The following SAXO1 variants were observed in gnomAD, a reference collection of about 807,000 sequenced individuals.
SAXO1 encodes 4930500O09Rik.
SAXO1 carries 21 observed loss-of-function variants against 17.5 expected under a neutral mutation model. That is an observed-to-expected ratio of 1.20 (90% confidence interval 0.85 to 1.72). The LOEUF is 1.72. Among genes scored for constraint, SAXO1 ranks in the 40% most tolerant of loss-of-function variants. The pLI, the probability that SAXO1 is intolerant of heterozygous loss-of-function variation, is 0.00. For missense variants in SAXO1, 843 were observed against 596.0 expected (o/e 1.41, Z -4.32); for synonymous variants, 274 against 216.5 (o/e 1.27, Z -2.33).
intron 1 of SAXO1, among the ~76,000 whole-genome samples, chr9:19,039,889 C>G (rs1201294559): frequency 6.6e-6 from 1 of 151,610 alleles, no homozygotes; most frequent in African/African-American, 2.4e-5. Flanking sequence ...CCACCACACC[C>G]AGCTAATTTT....
chr9:19,038,163 T>C (rs979860395), upstream of SAXO1, among the ~76,000 whole-genome samples: 26 of 152,366 alleles, frequency 1.7e-4, no homozygotes, highest in African/African-American at 6.0e-4. Flanking sequence ...TTGGTGGGAC[T>C]GTAAACTAGT....
intron 1 of SAXO1, among the ~76,000 whole-genome samples, chr9:18,985,692 C>T (rs547617318): frequency 4.1e-4 from 63 of 152,270 alleles, no homozygotes; most frequent in African/African-American, 1.5e-3. Flanking sequence ...GCCACCACTC[C>T]GACTCCCCTG....
intron 3 of SAXO1, among the ~76,000 whole-genome samples, chr9:18,938,324 G>T (rs988302476): frequency 6.6e-6 from 1 of 152,178 alleles, no homozygotes; most frequent in Non-Finnish European, 1.5e-5. Context: ...ATTGGCTCAT[G>T]GTTCTGCAGG....
At chr9:18,963,016 T>A (rs566333572) in intron 1 of SAXO1, among the ~76,000 whole-genome samples, 1 of 152,344 alleles carries the variant, frequency 6.6e-6, no homozygotes, top group African/African-American at 2.4e-5. Context: ...TTTCTGCATA[T>A]GGCTAGCCAG....
At chr9:18,998,939 A>G (rs975168024) in intron 1 of SAXO1, among the ~76,000 whole-genome samples, 4 of 152,236 alleles carry the variant, frequency 2.6e-5, no homozygotes, top group African/African-American at 9.6e-5. Context: ...CTGCCTTACA[A>G]GAGCTCCTGA....
chr9:18,982,785 C>A (rs148801752), intron 1 of SAXO1, among the ~76,000 whole-genome samples: 1 of 152,298 alleles, frequency 6.6e-6, no homozygotes, highest in Admixed American at 6.5e-5. Context: ...TCTTGGAAAT[C>A]TTACCTTAAT....
At chr9:19,018,111 T>C (rs1835066362) in intron 1 of SAXO1, among the ~76,000 whole-genome samples, 1 of 151,182 alleles carries the variant, frequency 6.6e-6, no homozygotes, top group Non-Finnish European at 1.5e-5. Context: ...GAGGTTGCTG[T>C]GAGTCATGAC....
chr9:18,944,307 A>C (rs541615311), intron 2 of SAXO1, among the ~76,000 whole-genome samples: 3 of 152,248 alleles, frequency 2.0e-5, no homozygotes, highest in African/African-American at 7.2e-5. Flanking sequence ...GAGTGAATTT[A>C]ATCAGAATTT....
chr9:18,928,371 T>C lies in SAXO1; in HGVS notation c.1106A>G (p.Asp369Gly). ...PQLDLPTEPL[D>G]CLTTTRAHYV... ...GTGGGCCCGAGTGGTGGTCAGGCAG[T>C]CCAGGGGCTCGGTGGGCAAGTCCAG... Residue 369 changes from aspartate to glycine, a missense_variant, in exon 4 of 4, where the codon GAC (aspartate) becomes GGC (glycine). By Grantham distance (94) the Asp-to-Gly change is moderately conservative (BLOSUM62 -1). Coordinates refer to ENST00000380534, the MANE Select transcript of SAXO1 (RefSeq NM_153707.4). The C allele has an allele frequency of 6.2e-7, 1 of 1,612,628 alleles. No homozygotes were observed. The highest frequency in any genetic ancestry group is 1.1e-5 in the South Asian group (1 of 90,878).
chr9:18,935,921 G>C (rs1445770932), intron 3 of SAXO1, among the ~76,000 whole-genome samples: 1 of 152,198 alleles, frequency 6.6e-6, no homozygotes, highest in Non-Finnish European at 1.5e-5. Flanking sequence ...AAATGAAACA[G>C]CAGGGGTGGG....
At chr9:18,973,438 G>T (rs1833025048) in intron 1 of SAXO1, among the ~76,000 whole-genome samples, 1 of 152,186 alleles carries the variant, frequency 6.6e-6, no homozygotes, top group South Asian at 2.1e-4. Context: ...AAACACATAG[G>T]TAGATAGGAA....
intron 1 of SAXO1, among the ~76,000 whole-genome samples, chr9:18,990,419 T>C (rs1042799830): frequency 6.6e-5 from 10 of 152,142 alleles, no homozygotes; most frequent in Admixed American, 1.3e-4. Context: ...TAGAACTAAA[T>C]TCCTAGCAGG....
chr9:18,928,343 A>C lies in SAXO1; in HGVS notation c.1134T>G (p.Tyr378Ter). 6.2e-7 allele frequency: 1 copy of C among 1,613,454 alleles called. No individual in the cohort carries two copies. Among genetic ancestry groups the C allele is most frequent in the Non-Finnish European group, 8.5e-7 (1 of 1,179,744 alleles). ...TGGTATTGATAGGCAGGTGGGGCAC[A>C]TAGTGGGCCCGAGTGGTGGTCAGGC... The part of the protein sequence containing the change: ...LDCLTTTRAH[Y>*]VPHLPINTKS... Residue 378 changes from tyrosine to a stop codon, truncating the protein, a stop_gained, in exon 4 of 4, where the codon TAT (tyrosine) becomes TAG (stop). Transcript: ENST00000380534. LOFTEE classifies it low-confidence loss of function (END_TRUNC).
chr9:19,004,557 T>A (rs1834413082), intron 1 of SAXO1, among the ~76,000 whole-genome samples: 1 of 151,434 alleles, frequency 6.6e-6, no homozygotes, highest in African/African-American at 2.4e-5. Context: ...TGACTTCATG[T>A]CTTTTTCATG....
intron 1 of SAXO1, among the ~76,000 whole-genome samples, chr9:18,961,067 C>A (rs1563945528): frequency 2.0e-5 from 3 of 151,032 alleles, no homozygotes; most frequent in African/African-American, 7.3e-5. Context: ...AAGTTTCTTG[C>A]AAAAGAAAAA....
At chr9:18,997,591 A>G (rs1252027597) in intron 1 of SAXO1, among the ~76,000 whole-genome samples, 1 of 152,266 alleles carries the variant, frequency 6.6e-6, no homozygotes, top group Non-Finnish European at 1.5e-5. Context: ...TCCCTGCCAG[A>G]TAGTTCTGAA....
At chr9:18,936,147 A>G (rs1189224901) in intron 3 of SAXO1, among the ~76,000 whole-genome samples, 1 of 152,172 alleles carries the variant, frequency 6.6e-6, no homozygotes, top group Non-Finnish European at 1.5e-5. Flanking sequence ...CCTCATCTCC[A>G]GAAGTCCTGA....
In SAXO1 at chr9:18,964,722, A is replaced by AT. The variant is rs1483017602; in HGVS notation, c.39-13786dup. Among the ~76,000 whole-genome samples, 6 of 152,132 alleles carry AT rather than the reference A, an allele frequency of 3.9e-5. No homozygotes were observed. The East Asian group carries it at 5.8e-4, about 15-fold the overall frequency. The stretch of plus-strand genomic sequence containing the variant: ...TAAAAACTAGTTCCTGGATTCATTG[A>AT]TTTTTTGAAGGGTTTCTCATGTCTC... On this transcript the variant is annotated intron_variant, in intron 1 of 3. Coordinates refer to ENST00000380534, the MANE Select transcript of SAXO1 (RefSeq NM_153707.4).
At chr9:18,968,631 T>C (rs1832826178) in intron 1 of SAXO1, among the ~76,000 whole-genome samples, 1 of 151,926 alleles carries the variant, frequency 6.6e-6, no homozygotes, top group African/African-American at 2.4e-5. Context: ...TTCACTCTTG[T>C]TGCCTAGGCT....
Sources: allele counts gnomAD v4.1 joint callset (sites outside exome capture counted in the v4.1 genomes callset), GRCh38; gene constraint gnomAD v4.1.1; transcripts MANE v1.5; gene names NCBI Gene and HGNC (gene_info 2026-07-23, HGNC 2026-07-21).